The following RAPGEF5 variants were observed in gnomAD, a reference collection of about 807,000 sequenced individuals.
RAPGEF5 encodes the protein Rap guanine nucleotide exchange factor 5, also known as M-Ras-regulated GEF.
RAPGEF5 carries 65 observed loss-of-function variants against 125.2 expected under a neutral mutation model. The observed-to-expected ratio is 0.52, with a 90% CI of 0.43 to 0.64. The LOEUF (loss-of-function observed/expected upper bound fraction) is 0.64, where lower values mean the gene tolerates loss of function less well. RAPGEF5 is among the 30% of genes least tolerant of loss of function. The pLI is 0.00. For missense variants in RAPGEF5, 958 were observed against 1,048.1 expected (o/e 0.91, Z 1.19); for synonymous variants, 391 against 385.9 (o/e 1.01, Z -0.16).
At chr7:22,233,996 T>G (rs1250675107) in intron 7 of RAPGEF5, among the ~76,000 whole-genome samples, 1 of 152,228 alleles carries the variant, frequency 6.6e-6, no homozygotes, top group Non-Finnish European at 1.5e-5. Flanking sequence ...AAAGTTCTGC[T>G]GGACTCAACC....
At chr7:22,175,489 T>C (rs973606309) in intron 11 of RAPGEF5, among the ~76,000 whole-genome samples, 1 of 152,248 alleles carries the variant, frequency 6.6e-6, no homozygotes, top group Non-Finnish European at 1.5e-5. Context: ...AATACAATTA[T>C]CATTTTATTT....
intron 8 of RAPGEF5, among the ~76,000 whole-genome samples, chr7:22,224,717 C>T (rs185139200): frequency 4.2e-4 from 64 of 152,230 alleles, no homozygotes; most frequent in African/African-American, 1.1e-3. Context: ...CCATGGGGAG[C>T]CTGTTCCCTC....
chr7:22,285,223 A>C (rs1356750106), intron 6 of RAPGEF5, among the ~76,000 whole-genome samples: 1 of 152,166 alleles, frequency 6.6e-6, no homozygotes, highest in Non-Finnish European at 1.5e-5. Context: ...ATCAAAATTC[A>C]AAATTTGAAG....
At chr7:22,344,953 C>T (rs966982811) in intron 1 of RAPGEF5, among the ~76,000 whole-genome samples, 2 of 152,192 alleles carry the variant, frequency 1.3e-5, no homozygotes, top group East Asian at 1.9e-4. Flanking sequence ...ACTTTTGAGG[C>T]CTTCTAGTCC....
At chr7:22,251,662 G>A (rs1200483301) in intron 7 of RAPGEF5, among the ~76,000 whole-genome samples, 1 of 151,452 alleles carries the variant, frequency 6.6e-6, no homozygotes, top group Non-Finnish European at 1.5e-5. Flanking sequence ...TAACCCAGCA[G>A]GGTGAGAATG....
chr7:22,126,111 T>TA (rs1294238370), intron 24 of RAPGEF5, among the ~76,000 whole-genome samples: 2 of 152,102 alleles, frequency 1.3e-5, no homozygotes, highest in Non-Finnish European at 2.9e-5. Flanking sequence ...ATCCCATCAC[T>TA]ACACTCCAGC....
At chr7:22,280,354 G>A (rs2128144612) in intron 6 of RAPGEF5, among the ~76,000 whole-genome samples, 1 of 152,266 alleles carries the variant, frequency 6.6e-6, no homozygotes, top group Non-Finnish European at 1.5e-5. Context: ...GGAGGAGGTA[G>A]GGAAGAGAAA....
intron 1 of RAPGEF5, among the ~76,000 whole-genome samples, chr7:22,322,898 T>C (rs957337581): frequency 4.6e-5 from 7 of 152,224 alleles, no homozygotes; most frequent in Non-Finnish European, 7.3e-5. Context: ...TGATTGAGAA[T>C]GGCAAATTGA....
At chr7:22,277,719 G>A (rs1039098161) in intron 6 of RAPGEF5, among the ~76,000 whole-genome samples, 14 of 152,022 alleles carry the variant, frequency 9.2e-5, no homozygotes, top group Non-Finnish European at 1.9e-4. Context: ...TTTTGCACAT[G>A]GGCTCCTACA....
intron 7 of RAPGEF5, among the ~76,000 whole-genome samples, chr7:22,261,090 A>G (rs1171979701): frequency 6.6e-6 from 1 of 152,234 alleles, no homozygotes; most frequent in Non-Finnish European, 1.5e-5. Context: ...AGAGGACTTA[A>G]AGTCCTAAAC....
rs574784599 is a variant in RAPGEF5 at position 22,122,948 on chromosome 7, C to T, written c.2537-427G>A. Among the ~76,000 whole-genome samples, 6 of 152,134 alleles carry T rather than the reference C, an allele frequency of 3.9e-5. 1 individual carries two copies. In the South Asian group the frequency reaches 6.2e-4, roughly 16 times the overall value. ...TGGGTCCTATATCTCAGTCTAGAAG[C>T]GTTGAAAATCGCTGATAATGTATTT... On this transcript the variant is annotated intron_variant, in intron 25 of 25. Coordinates refer to ENST00000665637, the MANE Select transcript of RAPGEF5 (RefSeq NM_012294.5).
intron 1 of RAPGEF5, among the ~76,000 whole-genome samples, chr7:22,333,493 T>C (rs949558298): frequency 6.6e-6 from 1 of 152,220 alleles, no homozygotes; most frequent in Non-Finnish European, 1.5e-5. Flanking sequence ...GCTGTAGTTT[T>C]CTTTGAGCCA....
intron 7 of RAPGEF5, among the ~76,000 whole-genome samples, chr7:22,249,430 T>A (rs184416971): frequency 6.6e-6 from 1 of 152,162 alleles, no homozygotes; most frequent in Admixed American, 6.6e-5. Context: ...CCTCAAGTGA[T>A]CTCTCCACCT....
At chr7:22,239,651 G>C (rs1484036927) in intron 7 of RAPGEF5, among the ~76,000 whole-genome samples, 2 of 151,738 alleles carry the variant, frequency 1.3e-5, no homozygotes, top group Non-Finnish European at 2.9e-5. Flanking sequence ...TAATAGCTAA[G>C]ACTCTCCAAG....
At chr7:22,311,304 G>A (rs1429606235) in intron 3 of RAPGEF5, among the ~76,000 whole-genome samples, 1 of 152,120 alleles carries the variant, frequency 6.6e-6, no homozygotes, top group African/African-American at 2.4e-5. Context: ...TATGAGCCAA[G>A]CACCTGGCCA....
At position 22,154,438 on chromosome 7, in the gene RAPGEF5, G is replaced by A. The variant is rs572411781; in HGVS notation, c.1786+17C>T. 1 of 1,612,282 alleles carries A rather than the reference G, an allele frequency of 6.2e-7. No individual in the cohort carries two copies. Among genetic ancestry groups the A allele is most frequent in the African/African-American group, 1.3e-5 (1 of 74,944 alleles). Reference sequence around the variant, plus strand: ...GATCAGTGAAAGATTAATATTCAAGGGTAGAAAACAACTTACCCCCAGAGA... The same window carrying A: ...GATCAGTGAAAGATTAATATTCAAGAGTAGAAAACAACTTACCCCCAGAGA... On this transcript the variant is annotated intron_variant, in intron 17 of 25. Coordinates refer to ENST00000665637, the MANE Select transcript of RAPGEF5 (RefSeq NM_012294.5).
At chr7:22,303,774 T>A (rs1008888972) in intron 5 of RAPGEF5, among the ~76,000 whole-genome samples, 7 of 152,230 alleles carry the variant, frequency 4.6e-5, no homozygotes, top group Non-Finnish European at 7.3e-5. Flanking sequence ...GGAATTTTTT[T>A]AAATACAAAA....
intron 6 of RAPGEF5, among the ~76,000 whole-genome samples, chr7:22,288,178 T>C (rs1397309220): frequency 2.0e-5 from 3 of 152,178 alleles, no homozygotes; most frequent in Non-Finnish European, 2.9e-5. Context: ...CATTCAGTTA[T>C]TTCCATTTCC....
chr7:22,263,768 A>G (rs1455977697), intron 7 of RAPGEF5, among the ~76,000 whole-genome samples: 2 of 151,774 alleles, frequency 1.3e-5, no homozygotes, highest in African/African-American at 2.4e-5. Context: ...AAGAAAAAAG[A>G]AAAAAATAAT....
Sources: gnomAD v4.1 joint callset for allele counts (sites outside exome capture counted in the v4.1 genomes callset) on GRCh38, gnomAD v4.1.1 for gene constraint, MANE v1.5 for transcripts, NCBI Gene and HGNC (gene_info 2026-07-23, HGNC 2026-07-21) for gene names.